The following FKBP15 variants were observed in gnomAD, a reference collection of about 807,000 sequenced individuals.
FKBP15 encodes the protein FK506-binding protein 15.
A neutral mutation model predicts 158.1 loss-of-function variants in FKBP15; 106 were observed. That is an observed-to-expected ratio of 0.67 (90% CI 0.57 to 0.79). FKBP15 has a LOEUF of 0.79. Ranked by LOEUF, FKBP15 falls within the 30% of genes least tolerant of loss-of-function variation. The pLI is 0.00. For synonymous variants in FKBP15, 547 were observed against 548.6 expected, an observed-to-expected ratio of 1.00 and a Z score of 0.04; for missense variants, 1,287 against 1,479.1, an observed-to-expected ratio of 0.87 and a Z score of 2.13.
In FKBP15 at chr9:113,178,659, T is replaced by A; in HGVS notation, c.2057A>T (p.Gln686Leu). The A allele has an allele frequency of 1.2e-6, 2 of 1,610,454 alleles. No individual in the cohort carries two copies. Among genetic ancestry groups the A allele is most frequent in the Non-Finnish European group, 1.7e-6 (2 of 1,178,614 alleles). ...SLKETDLLRG[Q>L]LTKVQAKLSE... The stretch of plus-strand genomic sequence containing the variant: ...GAGCTTTGCCTGCACTTTGGTGAGC[T>A]GGCCCCTGAGAAGATCTGTCTCCTT... The change falls in exon 20 of 28, where the codon CAG (glutamine) becomes CTG (leucine). Residue 686 changes from glutamine (Q) to leucine (L), a missense_variant. Gln to Leu is a moderately radical substitution (Grantham distance 113). Transcript: ENST00000238256.
Position 113,217,237 on chromosome 9 carries a change from G to A in FKBP15, c.53+3954C>T, listed in dbSNP as rs533384923. On this transcript the variant is annotated intron_variant, in intron 1 of 27. Coordinates refer to ENST00000238256, the MANE Select transcript of FKBP15 (RefSeq NM_015258.2). The stretch of plus-strand genomic sequence containing the variant: ...TTTTTTTTTTTTTTTTAATGAGACG[G>A]AGTCTTGCTTTGTCACCCAGGCTGG... Among the ~76,000 whole-genome samples the A allele has an allele frequency of 6.9e-5, 9 of 131,214 alleles. No homozygotes were observed. The East Asian group carries it at 2.0e-3, about 29-fold the overall frequency. 86.1% of individuals were successfully genotyped at this position (131,214 alleles called of 152,430 possible).
At position 113,162,846 on chromosome 9, in the gene FKBP15, A is replaced by ATTT; in HGVS notation, c.*3229_*3231dup. The ATTT allele has an allele frequency of 6.2e-7, 1 of 1,613,410 alleles. No individual in the cohort carries two copies. The highest frequency in any genetic ancestry group is 2.2e-5 in the East Asian group (1 of 44,838). On this transcript the variant is annotated 3_prime_UTR_variant, in exon 28 of 28. Coordinates refer to ENST00000238256, the MANE Select transcript of FKBP15 (RefSeq NM_015258.2). ...GGCCGTAATGTCCTACAACACCTGG[A>ATTT]TTTTCCTTGGTGTGGTCTTGGGCTC...
At position 113,166,156 on chromosome 9, in the gene FKBP15, C is replaced by G; in HGVS notation, c.3583-1G>C. Reference sequence around the variant, plus strand: ...TTGGGGGCGGGCGTCCCTTCATGCTCTGATAAAACAGGAAAGAGCAGTCAG... The same window carrying G: ...TTGGGGGCGGGCGTCCCTTCATGCTGTGATAAAACAGGAAAGAGCAGTCAG... On this transcript the variant is annotated splice_acceptor_variant, in intron 27 of 27. Coordinates refer to ENST00000238256, the MANE Select transcript of FKBP15 (RefSeq NM_015258.2). LOFTEE classifies it high-confidence loss of function. 6.2e-7 allele frequency: 1 copy of G among 1,611,768 alleles called. No homozygotes were observed. Among genetic ancestry groups the G allele is most frequent in the Non-Finnish European group, 8.5e-7 (1 of 1,178,984 alleles).
At chr9:113,208,822 C>T (rs1370533793) in intron 2 of FKBP15, among the ~76,000 whole-genome samples, 1 of 151,976 alleles carries the variant, frequency 6.6e-6, no homozygotes, top group Non-Finnish European at 1.5e-5. Flanking sequence ...GTCTGGCCAA[C>T]ATGGTGAAAC....
In FKBP15 at chr9:113,197,021, G is replaced by A; in HGVS notation, c.775C>T (p.Pro259Ser). 6.2e-7 allele frequency: 1 copy of A among 1,613,944 alleles called. No homozygotes were observed. The highest frequency in any genetic ancestry group is 1.1e-5 in the South Asian group (1 of 91,080). ...TCTGAGCCAACAGCACAGGCTGGAG[G>A]GACAATAAGCAATCGCTTTCCTCCT... The part of the protein sequence containing the change: ...KKGGKRLLIV[P>S]PACAVGSEGV... Residue 259 changes from proline (P) to serine (S), a missense_variant, in exon 9 of 28, where the codon CCT becomes TCT. Pro to Ser is a moderately conservative substitution (Grantham distance 74). Coordinates refer to ENST00000238256, the MANE Select transcript of FKBP15 (RefSeq NM_015258.2).
At chr9:113,220,943 C>T (rs1831239173) in intron 1 of FKBP15, among the ~76,000 whole-genome samples, 4 of 152,138 alleles carry the variant, frequency 2.6e-5, no homozygotes, top group Admixed American at 2.6e-4. Flanking sequence ...AAATTGTGAC[C>T]CAGAATGCAA....
chr9:113,169,168 A>G lies in FKBP15; in HGVS notation c.3485+56T>C, dbSNP rs16910416. ...GAGTTGCCAGCCCTGGAAAAAACAG[A>G]GACACTCACCACAGATAACTACCCT... On this transcript the variant is annotated intron_variant, in intron 26 of 27. Transcript: ENST00000238256. The G allele has an allele frequency of 8.8e-4, 1,350 of 1,534,386 alleles. 14 individuals are homozygous for G. The African/African-American group carries it at 0.016, about 19-fold the overall frequency.
At position 113,183,620 on chromosome 9, in the gene FKBP15, A is replaced by G. The variant is rs533474604; in HGVS notation, c.1811+131T>C. The stretch of plus-strand genomic sequence containing the variant: ...CCTCTCAGAAAACAGGCAATAATTC[A>G]CATGACAGGCAGGAAACAGAAATGG... On this transcript the variant is annotated intron_variant, in intron 18 of 27. Coordinates refer to ENST00000238256, the MANE Select transcript of FKBP15 (RefSeq NM_015258.2). The G allele has an allele frequency of 1.1e-4, 69 of 637,654 alleles. No individual in the cohort carries two copies. In the African/African-American group the frequency reaches 1.2e-3, roughly 11 times the overall value. The allele number at this position is 637,654 out of a possible 1,614,324, so 39.5% of individuals were successfully genotyped here. A position where few individuals can be genotyped will look rare whatever the true frequency, so the allele number is the denominator to read the frequency against.
chr9:113,197,182 C>T lies in FKBP15; in HGVS notation c.718-104G>A. ...TCACTTATCCACACTTTCACGTTTACTCAGTGCCTCCAGAGGTCGGGTCTG... is the reference window on the plus strand; with the variant it reads ...TCACTTATCCACACTTTCACGTTTATTCAGTGCCTCCAGAGGTCGGGTCTG... On this transcript the variant is annotated intron_variant, in intron 8 of 27. Coordinates refer to ENST00000238256, the MANE Select transcript of FKBP15 (RefSeq NM_015258.2). The T allele has an allele frequency of 3.5e-6, 5 of 1,417,492 alleles. No homozygotes were observed. The South Asian group carries it at 3.9e-5, about 11-fold the overall frequency. 87.8% of individuals were successfully genotyped at this position (1,417,492 alleles called of 1,614,324 possible).
In FKBP15 at chr9:113,173,438, A is replaced by C. The variant is rs1266510400; in HGVS notation, c.2532+15T>G. The C allele has an allele frequency of 6.2e-7, 1 of 1,609,898 alleles. No individual in the cohort carries two copies. Among genetic ancestry groups the C allele is most frequent in the Non-Finnish European group, 8.5e-7 (1 of 1,176,464 alleles). ...CTGGGCTGCCTAAACTGTCTGACTC[A>C]AGAAAAATATGTACCTTTTCCTGAA... On this transcript the variant is annotated intron_variant, in intron 23 of 27. Coordinates refer to ENST00000238256, the MANE Select transcript of FKBP15 (RefSeq NM_015258.2).
intron 6 of FKBP15, among the ~76,000 whole-genome samples, chr9:113,200,496 C>G (rs1830767889): frequency 6.6e-6 from 1 of 152,156 alleles, no homozygotes; most frequent in South Asian, 2.1e-4. Flanking sequence ...GAATCCACAT[C>G]AATACTATCT....
chr9:113,201,259 A>G (rs899602809), intron 6 of FKBP15, among the ~76,000 whole-genome samples: 1 of 152,064 alleles, frequency 6.6e-6, no homozygotes, highest in African/African-American at 2.4e-5. Flanking sequence ...AAATATCTGG[A>G]CCTTTTGACC....
Position 113,162,899 on chromosome 9 carries a change from A to G in FKBP15, c.*3179T>C, listed in dbSNP as rs201396206. The G allele has an allele frequency of 1.1e-5, 17 of 1,610,012 alleles. No individual in the cohort carries two copies. In the African/African-American group the frequency reaches 2.0e-4, roughly 19 times the overall value. On this transcript the variant is annotated 3_prime_UTR_variant, in exon 28 of 28. Transcript: ENST00000238256. The stretch of plus-strand genomic sequence containing the variant: ...CTGTGGGCTACTACCTAGCTTACCC[A>G]CTTCTCAGCACAGCTTAGCTGGTGA...
Position 113,194,183 on chromosome 9 carries a change from G to T in FKBP15, c.865-14C>A. The stretch of plus-strand genomic sequence containing the variant: ...GGCAAACTTCACCTAAGGAAACACC[G>T]CATATTCTCACTCATAGGTGGGAAT... On this transcript the variant is annotated splice_polypyrimidine_tract_variant and intron_variant, in intron 9 of 27. Transcript: ENST00000238256. 2 of 1,584,384 alleles carry T rather than the reference G, an allele frequency of 1.3e-6. No individual in the cohort carries two copies. The highest frequency in any genetic ancestry group is 1.3e-5 in the African/African-American group (1 of 74,188).
intron 1 of FKBP15, among the ~76,000 whole-genome samples, chr9:113,216,471 C>T (rs972303266): frequency 4.6e-5 from 7 of 152,228 alleles, no homozygotes; most frequent in South Asian, 4.1e-4. Context: ...AGATTGTAAA[C>T]GCAATGCTTG....
chr9:113,171,764 C>T, intron 23 of FKBP15, 58 bp from the exon 24 acceptor site: 10 of 1,345,490 alleles, frequency 7.4e-6, no homozygotes, highest in Non-Finnish European at 9.7e-6. Context: ...GTCAGAAAAC[C>T]CAAGGGGAGG....
chr9:113,187,741 C>T (rs572155616), intron 14 of FKBP15, 52 bp downstream of exon 14: 57 of 1,398,712 alleles, frequency 4.1e-5, no homozygotes, highest in Non-Finnish European at 5.7e-5. Context: ...AAGAGACTGA[C>T]TAGAACCACA....
chr9:113,169,349 AGGCTGAGGCTCTCCTG>A lies in FKBP15; in HGVS notation c.3344_3359del (p.Pro1115LeufsTer58), dbSNP rs1564147763. The A allele has an allele frequency of 6.2e-7, 1 of 1,614,026 alleles. No homozygotes were observed. Among genetic ancestry groups the A allele is most frequent in the East Asian group, 2.2e-5 (1 of 44,882 alleles). ...TGACATCATCTTTCTTGAGCTGTGGAGGCTGAGGCTCTCCTGGGCTTTCAGGCCCTAAGGCCAGTGG... is the reference window on the plus strand; with the variant it reads ...TGACATCATCTTTCTTGAGCTGTGGAGGCTTTCAGGCCCTAAGGCCAGTGG... On this transcript the variant is annotated frameshift_variant, in exon 26 of 28. Transcript: ENST00000238256. LOFTEE classifies it high-confidence loss of function.
intron 11 of FKBP15, among the ~76,000 whole-genome samples, chr9:113,191,328 T>C (rs2118903462): frequency 6.6e-6 from 1 of 152,148 alleles, no homozygotes; most frequent in South Asian, 2.1e-4. Context: ...GCTAATTTTT[T>C]GTATTTTTGG....
Sources: gnomAD v4.1 joint callset for allele counts (sites outside exome capture counted in the v4.1 genomes callset) on GRCh38, gnomAD v4.1.1 for gene constraint, MANE v1.5 for transcripts, NCBI Gene and HGNC (gene_info 2026-07-23, HGNC 2026-07-21) for gene names.